The following NR3C1 variants were observed in gnomAD, a reference collection of about 807,000 sequenced individuals.
NR3C1 encodes nuclear receptor subfamily 3 group C member 1.
In NR3C1, 14 loss-of-function variants were observed where a neutral mutation model predicts 74.0. The ratio of observed to expected loss-of-function variants is 0.19; its 90% CI spans 0.12 to 0.30. The LOEUF (loss-of-function observed/expected upper bound fraction) is 0.30. Among genes scored for constraint, NR3C1 ranks in the 10% least tolerant of loss-of-function variants. The pLI is 1.00. For missense variants in NR3C1, 695 were observed against 909.8 expected (o/e 0.76, Z 3.04); for synonymous variants, 308 against 332.5 (o/e 0.93, Z 0.80).
chr5:143,365,605 C>G (rs1600293958), intron 2 of NR3C1, among the ~76,000 whole-genome samples: 1 of 152,216 alleles, frequency 6.6e-6, no homozygotes, highest in East Asian at 1.9e-4. Flanking sequence ...TTCCAATAGA[C>G]AGAACAACTA....
intron 3 of NR3C1, among the ~76,000 whole-genome samples, chr5:143,312,007 G>A (rs1821091496): frequency 6.6e-6 from 1 of 151,956 alleles, no homozygotes. Flanking sequence ...TCTTATTTTG[G>A]AGTTCCTGTG....
chr5:143,349,391 T>A (rs1829854882), intron 2 of NR3C1, among the ~76,000 whole-genome samples: 1 of 152,186 alleles, frequency 6.6e-6, no homozygotes, highest in Admixed American at 6.5e-5. Context: ...CTCATATTTC[T>A]ATCCCCTAAT....
intron 7 of NR3C1, 56 bp from the exon 8 acceptor site, chr5:143,282,781 T>TC: frequency 2.6e-6 from 4 of 1,519,960 alleles, no homozygotes; most frequent in South Asian, 1.2e-5. Context: ...TCTTTTCTTT[T>TC]TTTTTTTTTT....
intron 2 of NR3C1, among the ~76,000 whole-genome samples, chr5:143,367,869 C>CT (rs1833534014): frequency 6.6e-6 from 1 of 152,098 alleles, no homozygotes; most frequent in Non-Finnish European, 1.5e-5. Context: ...TCAATTGCCT[C>CT]TTTTTTTCTT....
chr5:143,368,559 A>G (rs1374382526), intron 2 of NR3C1, among the ~76,000 whole-genome samples: 1 of 151,624 alleles, frequency 6.6e-6, no homozygotes, highest in African/African-American at 2.4e-5. Context: ...ACACACACAC[A>G]CACACACACC....
rs972008433 is a variant in NR3C1, at chr5:143,278,731, T to G, written c.*3158A>C. 2.0e-5 allele frequency: 3 copies of G among 152,158 alleles called. No individual in the cohort carries two copies. The highest frequency in any genetic ancestry group is 1.3e-4 in the Admixed American group (2 of 15,250). The allele number at this position is 152,158 out of a possible 1,614,324, so 9.4% of individuals were successfully genotyped here. ...TTTTCATTCCATGGTGATGTAGTTT[T>G]CAGGGTTTTTAAAAGGGAACTAAAA... is the stretch of plus-strand genomic sequence containing the variant. On this transcript the variant is annotated 3_prime_UTR_variant, in exon 9 of 9. Transcript: ENST00000394464.
chr5:143,288,814 A>G (rs750117550), intron 7 of NR3C1, among the ~76,000 whole-genome samples: 4 of 152,088 alleles, frequency 2.6e-5, no homozygotes, highest in Non-Finnish European at 4.4e-5. Flanking sequence ...TAATTAAAAA[A>G]TACGTGGAAG....
At chr5:143,353,942 T>C (rs1830657935) in intron 2 of NR3C1, among the ~76,000 whole-genome samples, 1 of 152,234 alleles carries the variant, frequency 6.6e-6, no homozygotes, top group South Asian at 2.1e-4. Flanking sequence ...AAAAGGCTTT[T>C]TCATCTACAT....
chr5:143,430,333 T>TA (rs1039230475), intron 1 of NR3C1, among the ~76,000 whole-genome samples: 21 of 152,376 alleles, frequency 1.4e-4, no homozygotes, highest in Admixed American at 1.2e-3. Context: ...TTAAAATATT[T>TA]ACCATGGATA....
chr5:143,320,986 A>G (rs1451741393), intron 2 of NR3C1, among the ~76,000 whole-genome samples: 1 of 152,244 alleles, frequency 6.6e-6, no homozygotes, highest in Admixed American at 6.5e-5. Flanking sequence ...CAGAATACCA[A>G]GAACCAGTAT....
chr5:143,402,207 C>T (rs187891561), intron 1 of NR3C1, among the ~76,000 whole-genome samples: 1 of 152,120 alleles, frequency 6.6e-6, no homozygotes, highest in African/African-American at 2.4e-5. Flanking sequence ...TCGAATGGAG[C>T]CCAATGAATT....
intron 2 of NR3C1, among the ~76,000 whole-genome samples, chr5:143,359,553 T>C (rs906000972): frequency 4.6e-5 from 7 of 152,176 alleles, no homozygotes; most frequent in African/African-American, 1.7e-4. Context: ...AACAGCCATA[T>C]GGTATAGCGT....
At chr5:143,390,276 T>C (rs1837997769) in intron 2 of NR3C1, among the ~76,000 whole-genome samples, 1 of 152,182 alleles carries the variant, frequency 6.6e-6, no homozygotes, top group African/African-American at 2.4e-5. Context: ...AATATATTAA[T>C]TTTATATTGT....
intron 2 of NR3C1, among the ~76,000 whole-genome samples, chr5:143,323,795 G>A (rs909305943): frequency 6.6e-6 from 1 of 152,122 alleles, no homozygotes; most frequent in Non-Finnish European, 1.5e-5. Flanking sequence ...GCAGGGGGTA[G>A]GGGGGTGTCA....
At chr5:143,338,980 T>G (rs1373184746) in intron 2 of NR3C1, among the ~76,000 whole-genome samples, 2 of 152,200 alleles carry the variant, frequency 1.3e-5, no homozygotes, top group Non-Finnish European at 2.9e-5. Flanking sequence ...ACATAAATAC[T>G]TACCGATGTA....
intron 6 of NR3C1, among the ~76,000 whole-genome samples, chr5:143,296,039 T>A (rs886931811): frequency 3.3e-5 from 5 of 152,210 alleles, no homozygotes; most frequent in Admixed American, 1.3e-4. Flanking sequence ...TGTTCACAGT[T>A]ATGCAGAGGG....
chr5:143,302,071 C>T (rs1056260448), intron 4 of NR3C1, among the ~76,000 whole-genome samples: 2 of 152,048 alleles, frequency 1.3e-5, no homozygotes, highest in Non-Finnish European at 2.9e-5. Flanking sequence ...CTGAAATCAG[C>T]ATATTTGGAT....
At chr5:143,390,580 T>C (rs548856663) in intron 2 of NR3C1, among the ~76,000 whole-genome samples, 28 of 152,180 alleles carry the variant, frequency 1.8e-4, no homozygotes, top group Non-Finnish European at 2.5e-4. Context: ...TTCATTACTA[T>C]GCCAAGAAGA....
intron 1 of NR3C1, among the ~76,000 whole-genome samples, chr5:143,429,558 A>G (rs567328467): frequency 2.0e-5 from 3 of 152,250 alleles, no homozygotes; most frequent in Non-Finnish European, 4.4e-5. Flanking sequence ...GTATGCAACT[A>G]TCTCTGCTAT....
Sources: allele counts gnomAD v4.1 joint callset (sites outside exome capture counted in the v4.1 genomes callset), GRCh38; gene constraint gnomAD v4.1.1; transcripts MANE v1.5; gene names NCBI Gene and HGNC (gene_info 2026-07-23, HGNC 2026-07-21).